ZNF426: variants seen among roughly 807,000 people sequenced by gnomAD.
ZNF426 encodes the protein CTC-543D15.7.
A neutral mutation model predicts 24.0 loss-of-function variants in ZNF426; 23 were observed. That is an observed-to-expected ratio of 0.96 (90% confidence interval 0.69 to 1.36). The LOEUF (loss-of-function observed/expected upper bound fraction) is 1.36. ZNF426 is among the 40% of genes most tolerant of loss of function. ZNF426 has a pLI of 0.00. For missense variants in ZNF426, 646 were observed against 658.4 expected (o/e 0.98, Z 0.21); for synonymous variants, 272 against 224.6 (o/e 1.21, Z -1.89).
chr19:9,528,530 T>G lies in ZNF426; in HGVS notation c.1515A>C (p.Glu505Asp), dbSNP rs758198893. The G allele has an allele frequency of 6.2e-7, 1 of 1,614,184 alleles. No homozygotes were observed. The highest frequency in any genetic ancestry group is 1.1e-5 in the South Asian group (1 of 91,086). The change falls in exon 8 of 8, where the codon GAA becomes GAC. Residue 505 changes from glutamate to aspartate, a missense_variant. Transcript: ENST00000253115. ...TGAAGGCTTTCCCACACTCCTTGCA[T>G]TCATAGGGTTTCTCTCCAGTGTGAG... ...ERTHTGEKPY[E>D]CKECGKAFTC...
chr19:9,524,196 G>A lies in ZNF426; in HGVS notation c.*4184C>T, dbSNP rs1242472666. The A allele has an allele frequency of 6.6e-6, 1 of 152,240 alleles. No homozygotes were observed. Among genetic ancestry groups the A allele is most frequent in the Non-Finnish European group, 1.5e-5 (1 of 68,038 alleles). 9.4% of individuals were successfully genotyped at this position (152,240 alleles called of 1,614,324 possible). On this transcript the variant is annotated 3_prime_UTR_variant, in exon 8 of 8. Transcript: ENST00000253115. ...TTTCCCACATTCCGTATAAACATAG[G>A]TTTTCTCCTAGTGGGAGTTTTGTGG... is the stretch of plus-strand genomic sequence containing the variant.
In ZNF426 at chr19:9,525,048, G is replaced by A. The variant is rs1463879991; in HGVS notation, c.*3332C>T. Reference sequence around the variant, plus strand: ...GCGGATCACGAGGTCAGGAGATCGAGACCATCCTGGCTAACACAGTGAAAC... The same window carrying A: ...GCGGATCACGAGGTCAGGAGATCGAAACCATCCTGGCTAACACAGTGAAAC... On this transcript the variant is annotated 3_prime_UTR_variant, in exon 8 of 8. Transcript: ENST00000253115. The A allele has an allele frequency of 6.6e-6, 1 of 151,516 alleles. No individual in the cohort carries two copies. The highest frequency in any genetic ancestry group is 2.0e-4 in the East Asian group (1 of 5,102). 9.4% of individuals were successfully genotyped at this position (151,516 alleles called of 1,614,324 possible).
chr19:9,528,501 C>T lies in ZNF426; in HGVS notation c.1544G>A (p.Cys515Tyr), dbSNP rs755628056. Residue 515 changes from cysteine to tyrosine, a missense_variant, in exon 8 of 8, where the codon TGT becomes TAT. Physicochemically the swap from Cys to Tyr is radical, Grantham distance 194. Coordinates refer to ENST00000253115, the MANE Select transcript of ZNF426 (RefSeq NM_024106.3). The stretch of plus-strand genomic sequence containing the variant: ...TTCATGAATTCTAAAGGAACTGGAA[C>T]ACGTGAAGGCTTTCCCACACTCCTT... ...ECKECGKAFTCSSSFRIHEKT... is the reference protein window; with the variant it reads ...ECKECGKAFTYSSSFRIHEKT... The T allele has an allele frequency of 3.1e-6, 5 of 1,614,078 alleles. No individual in the cohort carries two copies. The highest frequency in any genetic ancestry group is 4.2e-6 in the Non-Finnish European group (5 of 1,180,002).
Position 9,528,838 on chromosome 19 carries a change from C to G in ZNF426, c.1207G>C (p.Val403Leu). 1 of 1,613,844 alleles carries G rather than the reference C, an allele frequency of 6.2e-7. No homozygotes were observed. The highest frequency in any genetic ancestry group is 8.5e-7 in the Non-Finnish European group (1 of 1,179,960). The change falls in exon 8 of 8, where the codon GTT becomes CTT. Residue 403 changes from valine (V) to leucine (L), a missense_variant. Transcript: ENST00000253115. Reference sequence around the variant, plus strand: ...AAATGTCCACTAAGATTTGAGGAAACTGCAAAGGCTTTCCCACATTCAACA... The same window carrying G: ...AAATGTCCACTAAGATTTGAGGAAAGTGCAAAGGCTTTCCCACATTCAACA... Reference protein sequence around the residue: ...VCVECGKAFAVSSNLSGHLRT... With the variant: ...VCVECGKAFALSSNLSGHLRT...
rs1031559693 is a variant in ZNF426 at position 9,536,126 on chromosome 19, A to C, written c.25+82T>G. The C allele has an allele frequency of 4.9e-5, 77 of 1,582,688 alleles. 2 individuals are homozygous for C. The Middle Eastern group carries it at 2.5e-3, about 51-fold the overall frequency. ...ACCTCCCAAATGAATCAGCAACATG[A>C]CCAGCTGCCCAAACCACTAGACCCT... On this transcript the variant is annotated intron_variant, in intron 3 of 7. Coordinates refer to ENST00000253115, the MANE Select transcript of ZNF426 (RefSeq NM_024106.3).
chr19:9,528,608 T>C lies in ZNF426; in HGVS notation c.1437A>G (p.Lys479=). The part of the protein sequence containing the change: ...IHTGEKPYEC[K]QCGKAFSHSS... ...AATGACTGAAGGCCTTTCCACATTG[T>C]TTACACTCATAGGGTTTTTCTCCAG... The change falls in exon 8 of 8, where the codon AAA becomes AAG. Residue 479 remains lysine (K), a synonymous_variant. Transcript: ENST00000253115. 6.2e-7 allele frequency: 1 copy of C among 1,613,950 alleles called. No individual in the cohort carries two copies. The highest frequency in any genetic ancestry group is 8.5e-7 in the Non-Finnish European group (1 of 1,179,982).
At position 9,529,117 on chromosome 19, in the gene ZNF426, A is replaced by C; in HGVS notation, c.928T>G (p.Cys310Gly). 1 of 1,614,192 alleles carries C rather than the reference A, an allele frequency of 6.2e-7. No individual in the cohort carries two copies. The highest frequency in any genetic ancestry group is 8.5e-7 in the Non-Finnish European group (1 of 1,180,030). ...RTHTGEKPYE[C>G]KECGKAFNYS... The stretch of plus-strand genomic sequence containing the variant: ...TTGAAGGCTTTCCCACATTCCTTAC[A>C]TTCATATGGTTTCTCCCCAGTGTGG... Residue 310 changes from cysteine (C) to glycine (G), a missense_variant, in exon 8 of 8, where the codon TGT becomes GGT. Cys to Gly is a radical substitution (Grantham distance 159). Coordinates refer to ENST00000253115, the MANE Select transcript of ZNF426 (RefSeq NM_024106.3).
Position 9,533,868 on chromosome 19 carries a change from C to T in ZNF426, c.216G>A (p.Leu72=), listed in dbSNP as rs1187319491. Residue 72 remains leucine (L), a synonymous_variant, in exon 5 of 8, where the codon CTG becomes CTA. Coordinates refer to ENST00000253115, the MANE Select transcript of ZNF426 (RefSeq NM_024106.3). ...TQRSLYSDVM[L]ENYKNLATVG... ...CTGTGGCCAGGTTCTTGTAGTTCTC[C>T]AGCATCACGTCACTGTAGAGGCTTC... 2 of 1,614,126 alleles carry T rather than the reference C, an allele frequency of 1.2e-6. No individual in the cohort carries two copies. Among genetic ancestry groups the T allele is most frequent in the South Asian group, 1.1e-5 (1 of 91,082 alleles).
Position 9,529,200 on chromosome 19 carries a change from C to T in ZNF426, c.845G>A (p.Cys282Tyr), listed in dbSNP as rs757678777. The stretch of plus-strand genomic sequence containing the variant: ...TCTATAGCCTTTTCCACATTCCTTA[C>T]ATTTGTAGGGCTTTTTTGCATTGAG... Reference protein sequence around the residue: ...ETLNAKKPYKCKECGKGYRYP... With the variant: ...ETLNAKKPYKYKECGKGYRYP... The change falls in exon 8 of 8, where the codon TGT becomes TAT. Residue 282 changes from cysteine to tyrosine, a missense_variant. Cys to Tyr is a radical substitution (Grantham distance 194). Coordinates refer to ENST00000253115, the MANE Select transcript of ZNF426 (RefSeq NM_024106.3). 18 of 1,614,166 alleles carry T rather than the reference C, an allele frequency of 1.1e-5. No homozygotes were observed. The highest frequency in any genetic ancestry group is 9.3e-5 in the African/African-American group (7 of 75,032).
rs1413418253 is a variant in ZNF426 at position 9,527,114 on chromosome 19, T to A, written c.*1266A>T. 1 of 152,170 alleles carries A rather than the reference T, an allele frequency of 6.6e-6. No homozygotes were observed. Among genetic ancestry groups the A allele is most frequent in the Non-Finnish European group, 1.5e-5 (1 of 68,038 alleles). 9.4% of individuals were successfully genotyped at this position (152,170 alleles called of 1,614,324 possible). On this transcript the variant is annotated 3_prime_UTR_variant, in exon 8 of 8. Coordinates refer to ENST00000253115, the MANE Select transcript of ZNF426 (RefSeq NM_024106.3). The stretch of plus-strand genomic sequence containing the variant: ...GGTACTAACACTACTCAAGAAACGG[T>A]ACAGTATTATCAGAATTCATGTACT...
chr19:9,523,697 A>G lies in ZNF426; in HGVS notation c.*4683T>C, dbSNP rs2144757841. 6.6e-6 allele frequency: 1 copy of G among 152,366 alleles called. No individual in the cohort carries two copies. The highest frequency in any genetic ancestry group is 6.5e-5 in the Admixed American group (1 of 15,304). 9.4% of individuals were successfully genotyped at this position (152,366 alleles called of 1,614,324 possible). A position where few individuals can be genotyped will look rare whatever the true frequency, so the allele number is the denominator to read the frequency against. ...GTTCCAGTTCAGATCATCAGGCATT[A>G]GATTCTCATAAGGAGTGTGCAACCT... On this transcript the variant is annotated 3_prime_UTR_variant, in exon 8 of 8. Transcript: ENST00000253115.
At position 9,530,977 on chromosome 19, in the gene ZNF426, A is replaced by C; in HGVS notation, c.408+8T>G. The stretch of plus-strand genomic sequence containing the variant: ...TGGAAAATAAAAAATATCCTATGCA[A>C]ATCTTACCAATTGTATCCCAATGGA... On this transcript the variant is annotated splice_region_variant and intron_variant, in intron 7 of 7. Coordinates refer to ENST00000253115, the MANE Select transcript of ZNF426 (RefSeq NM_024106.3). 6.2e-7 allele frequency: 1 copy of C among 1,607,502 alleles called. No homozygotes were observed. Among genetic ancestry groups the C allele is most frequent in the Non-Finnish European group, 8.5e-7 (1 of 1,173,992 alleles).
chr19:9,532,260 G>A (rs2073896239), intron 6 of ZNF426, among the ~76,000 whole-genome samples: 1 of 150,840 alleles, frequency 6.6e-6, no homozygotes, highest in Non-Finnish European at 1.5e-5. Context: ...GTTTATTTCT[G>A]GAAATTTTTC....
intron 7 of ZNF426, 139 bp downstream of exon 7, chr19:9,530,846 G>A (rs2073872281): frequency 1.4e-5 from 9 of 641,990 alleles, no homozygotes; most frequent in Non-Finnish European, 2.2e-5. Context: ...TTCACAATTG[G>A]AGCATCCCTA....
At chr19:9,538,492 C>A (rs1042809899) in intron 1 of ZNF426, 83 bp downstream of exon 1, 2 of 152,330 alleles carry the variant, frequency 1.3e-5, no homozygotes, top group African/African-American at 2.4e-5. Flanking sequence ...CCAGCAGACA[C>A]GAGCAGAGCG....
At chr19:9,537,082 A>G (rs2073977514) in intron 2 of ZNF426, among the ~76,000 whole-genome samples, 1 of 152,054 alleles carries the variant, frequency 6.6e-6, no homozygotes, top group Admixed American at 6.6e-5. Context: ...GGGAGCTGAG[A>G]TCACACCACT....
Position 9,524,171 on chromosome 19 carries a change from T to C in ZNF426, c.*4209A>G, listed in dbSNP as rs1485895592. The C allele has an allele frequency of 6.6e-6, 1 of 152,376 alleles. No individual in the cohort carries two copies. The highest frequency in any genetic ancestry group is 1.5e-5 in the Non-Finnish European group (1 of 68,056). The allele number at this position is 152,376 out of a possible 1,614,324, so 9.4% of individuals were successfully genotyped here. ...TAAGGCTTGAGAAATAAGTGAAGAT[T>C]TTCCCACATTCCGTATAAACATAGG... On this transcript the variant is annotated 3_prime_UTR_variant, in exon 8 of 8. Transcript: ENST00000253115.
rs914358044 is a variant in ZNF426, at chr19:9,524,168, G to C, written c.*4212C>G. 5 of 152,366 alleles carry C rather than the reference G, an allele frequency of 3.3e-5. No individual in the cohort carries two copies. The highest frequency in any genetic ancestry group is 7.3e-5 in the Non-Finnish European group (5 of 68,064). The allele number at this position is 152,366 out of a possible 1,614,324, so 9.4% of individuals were successfully genotyped here. A position where few individuals can be genotyped will look rare whatever the true frequency, so the allele number is the denominator to read the frequency against. On this transcript the variant is annotated 3_prime_UTR_variant, in exon 8 of 8. Coordinates refer to ENST00000253115, the MANE Select transcript of ZNF426 (RefSeq NM_024106.3). ...CTTTAAGGCTTGAGAAATAAGTGAA[G>C]ATTTTCCCACATTCCGTATAAACAT...
At chr19:9,536,456 T>A in intron 2 of ZNF426, 100 bp from the exon 3 acceptor site, 1 of 1,217,122 alleles carries the variant, frequency 8.2e-7, no homozygotes. Context: ...ATCCCAGCAT[T>A]TTGGGAGGCC....
Sources: allele counts gnomAD v4.1 joint callset (sites outside exome capture counted in the v4.1 genomes callset), GRCh38; gene constraint gnomAD v4.1.1; transcripts MANE v1.5; gene names NCBI Gene and HGNC (gene_info 2026-07-23, HGNC 2026-07-21).